Variants in PBX1 observed in about 807,000 individuals in gnomAD.
PBX1 encodes the protein PBX homeobox 1.
In PBX1, 6 loss-of-function variants were observed where a neutral mutation model predicts 53.4. The ratio of observed to expected loss-of-function variants is 0.11; its 90% CI spans 0.06 to 0.22. The LOEUF is 0.22. PBX1 is among the 10% of genes least tolerant of loss of function. The probability of loss-of-function intolerance (pLI) is 1.00; values close to 1 mark genes in which losing one functional copy is unlikely to be tolerated. For synonymous variants in PBX1, 204 were observed against 212.3 expected (o/e 0.96, Z 0.34); for missense variants, 251 against 551.4 (o/e 0.46, Z 5.46).
intron 3 of PBX1, among the ~76,000 whole-genome samples, chr1:164,792,944 A>G (rs956878804): frequency 4.6e-5 from 7 of 152,164 alleles, no homozygotes; most frequent in Non-Finnish European, 8.8e-5. Flanking sequence ...TAGGCATTCA[A>G]TGGAGGTAAA....
At chr1:164,628,210 TA>T (rs1658172493) in intron 2 of PBX1, among the ~76,000 whole-genome samples, 1 of 152,234 alleles carries the variant, frequency 6.6e-6, no homozygotes, top group Non-Finnish European at 1.5e-5. Flanking sequence ...AGGTTTGCTT[TA>T]AATTGCTAAG....
At chr1:164,703,716 C>T (rs991595689) in intron 2 of PBX1, among the ~76,000 whole-genome samples, 2 of 152,134 alleles carry the variant, frequency 1.3e-5, no homozygotes, top group African/African-American at 2.4e-5. Context: ...GGCTGGACTC[C>T]GTGTGCTGCC....
chr1:164,796,549 A>T (rs1302968294), intron 3 of PBX1, among the ~76,000 whole-genome samples: 1 of 152,156 alleles, frequency 6.6e-6, no homozygotes, highest in Admixed American at 6.5e-5. Flanking sequence ...TGTTGATGAG[A>T]TTGGCAGCCA....
chr1:164,673,465 CTTTT>C (rs1171916726), intron 2 of PBX1, among the ~76,000 whole-genome samples: 1,759 of 109,336 alleles, frequency 0.016, 19 homozygotes, highest in South Asian at 0.06. Context: ...AAATTACTAA[CTTTT>C]TTTTTTTTTT....
chr1:164,606,260 C>T (rs1033121302), intron 2 of PBX1, among the ~76,000 whole-genome samples: 3 of 152,272 alleles, frequency 2.0e-5, no homozygotes, highest in Middle Eastern at 3.4e-3. Context: ...GAGGCCAAGG[C>T]GGGTAGATTG....
At chr1:164,612,446 C>G (rs1311057556) in intron 2 of PBX1, among the ~76,000 whole-genome samples, 1 of 152,102 alleles carries the variant, frequency 6.6e-6, no homozygotes, top group East Asian at 1.9e-4. Flanking sequence ...GTTTAGCCAC[C>G]TCTCGTAGCT....
intron 2 of PBX1, among the ~76,000 whole-genome samples, chr1:164,742,693 A>G (rs1371241574): frequency 6.6e-6 from 1 of 152,232 alleles, no homozygotes; most frequent in Non-Finnish European, 1.5e-5. Context: ...AAAACAGTCC[A>G]TTTTTAGATA....
chr1:164,861,507 A>C lies in PBX1; in HGVS notation n.257+30024A>C, dbSNP rs552426656. Among the ~76,000 whole-genome samples the C allele has an allele frequency of 2.6e-5, 4 of 152,196 alleles. No individual in the cohort carries two copies. In the East Asian group the frequency reaches 7.7e-4, roughly 29 times the overall value. ...GCAAATATTGAACAAATACCTCCCC[A>C]CCGCTCCACCGTGTGCCAGGCACTA... On this transcript the variant is annotated intron_variant and non_coding_transcript_variant, in intron 2 of 2. Coordinates refer to the PBX1 transcript ENST00000558796.
At chr1:164,654,988 T>A (rs946181438) in intron 2 of PBX1, among the ~76,000 whole-genome samples, 1 of 152,006 alleles carries the variant, frequency 6.6e-6, no homozygotes, top group East Asian at 1.9e-4. Context: ...CCTTCTTGGG[T>A]CAAGGATGGC....
At chr1:164,666,710 G>A (rs1305814317) in intron 2 of PBX1, among the ~76,000 whole-genome samples, 1 of 152,182 alleles carries the variant, frequency 6.6e-6, no homozygotes, top group Admixed American at 6.5e-5. Flanking sequence ...GGAAGGAGAG[G>A]ATTCCTGGGA....
rs140990973 is a variant in PBX1, at chr1:164,867,094, G to A, written n.258-32094G>A. 3.5e-3 allele frequency among the ~76,000 whole-genome samples: 528 copies of A among 152,292 alleles called. 3 individuals are homozygous for A. Among genetic ancestry groups the A allele is most frequent in the African/African-American group, 0.012 (495 of 41,556 alleles). On this transcript the variant is annotated intron_variant and non_coding_transcript_variant, in intron 2 of 2. Transcript: ENST00000558796. ...TATTAGACAATGTGACACAGAGAAA[G>A]GGCACAAGCTTGGTACCCAGACAGC...
intron 2 of PBX1, among the ~76,000 whole-genome samples, chr1:164,705,960 A>G (rs1229001431): frequency 2.0e-5 from 3 of 152,228 alleles, no homozygotes; most frequent in Non-Finnish European, 4.4e-5. Flanking sequence ...TGGCCATAGC[A>G]TTTACAGAAA....
At chr1:164,746,759 G>T (rs1392810160) in intron 2 of PBX1, among the ~76,000 whole-genome samples, 1 of 152,106 alleles carries the variant, frequency 6.6e-6, no homozygotes, top group African/African-American at 2.4e-5. Flanking sequence ...TTTTGATAAA[G>T]CAGTTTTATA....
intron 2 of PBX1, among the ~76,000 whole-genome samples, chr1:164,612,964 TTGGG>T (rs1213349374): frequency 1.3e-5 from 2 of 152,174 alleles, no homozygotes; most frequent in Non-Finnish European, 2.9e-5. Context: ...CCCAGGGTTA[TTGGG>T]CAGTTTAAAT....
intron 2 of PBX1, among the ~76,000 whole-genome samples, chr1:164,637,915 G>C (rs370384323): frequency 1.3e-5 from 2 of 152,182 alleles, no homozygotes; most frequent in South Asian, 4.1e-4. Flanking sequence ...CTGCACTCAG[G>C]AGAAGATTTG....
Position 164,850,272 on chromosome 1 carries a change from T to C in PBX1, c.*3596T>C, listed in dbSNP as rs1266598445. ...AATTAGTTCAAGAATGCTAGAAAAG[T>C]GTCGAGTTGTGCACATCCATTTCTT... On this transcript the variant is annotated 3_prime_UTR_variant, in exon 9 of 9. Transcript: ENST00000420696. 1 of 220,690 alleles carries C rather than the reference T, an allele frequency of 4.5e-6. No homozygotes were observed. The highest frequency in any genetic ancestry group is 9.0e-6 in the Non-Finnish European group (1 of 110,548). The allele number at this position is 220,690 out of a possible 1,614,324, so 13.7% of individuals were successfully genotyped here.
intron 6 of PBX1, chr1:164,819,870 C>A: frequency 2.0e-6 from 1 of 495,646 alleles, no homozygotes; most frequent in Non-Finnish European, 3.6e-6. Flanking sequence ...TAAGGTATGG[C>A]TTCACATAAC....
At chr1:164,834,029 A>ATGTGTGTGTGTGTGTGTGTGTGTGTGTG (rs35739146) in intron 8 of PBX1, among the ~76,000 whole-genome samples, 4 of 128,234 alleles carry the variant, frequency 3.1e-5, no homozygotes, top group African/African-American at 1.2e-4. Flanking sequence ...ATATATGTAT[A>ATGTGTGTGTGTGTGTGTGTGTGTGTGTG]TGTGTGTGTG....
At chr1:164,563,353 A>G (rs770265089) in intron 2 of PBX1, 42 bp downstream of exon 2, 2 of 1,294,968 alleles carry the variant, frequency 1.5e-6, no homozygotes, top group African/African-American at 1.5e-5. Context: ...TCTTTGGCCA[A>G]TTAAATCACT....
Sources: allele counts gnomAD v4.1 joint callset (sites outside exome capture counted in the v4.1 genomes callset), GRCh38; gene constraint gnomAD v4.1.1; transcripts MANE v1.5; gene names NCBI Gene and HGNC (gene_info 2026-07-23, HGNC 2026-07-21).